Variants in FMN2 observed in about 807,000 individuals in gnomAD.
The protein encoded by FMN2 is formin 2, also known as formin-2.
Under a neutral mutation model 142.3 loss-of-function variants are expected in FMN2, and 51 were observed. That is an observed-to-expected ratio of 0.36 (90% CI 0.29 to 0.45). The LOEUF is 0.45. Among genes scored for constraint, FMN2 ranks in the 20% least tolerant of loss-of-function variants. FMN2 has a pLI of 1.00. For missense variants in FMN2, 1,936 were observed against 2,122.8 expected (o/e 0.91, Z 1.73); for synonymous variants, 882 against 869.8 (o/e 1.01, Z -0.25).
At chr1:240,348,217 T>A (rs1671973806) in intron 13 of FMN2, among the ~76,000 whole-genome samples, 1 of 151,676 alleles carries the variant, frequency 6.6e-6, no homozygotes, top group African/African-American at 2.4e-5. Context: ...TATGTTGTTT[T>A]TTTTACTTTT....
At chr1:240,369,967 G>A (rs546679741) in intron 14 of FMN2, among the ~76,000 whole-genome samples, 4 of 152,234 alleles carry the variant, frequency 2.6e-5, no homozygotes, top group Non-Finnish European at 5.9e-5. Context: ...AAAGCTACTG[G>A]TGAGGTGGAT....
At position 240,364,625 on chromosome 1, in the gene FMN2, G is replaced by A. The variant is rs1056163089; in HGVS notation, c.4858+8717G>A. On this transcript the variant is annotated intron_variant, in intron 14 of 17. Transcript: ENST00000319653. ...AGCCACAATCATTCATTCCACAACC[G>A]TAGATGAGACTTGATCAAAGAGCCT... is the stretch of plus-strand genomic sequence containing the variant. Among the ~76,000 whole-genome samples the A allele has an allele frequency of 4.6e-5, 7 of 152,200 alleles. No homozygotes were observed. In the Middle Eastern group the frequency reaches 0.014, roughly 296 times the overall value.
In FMN2 at chr1:240,207,183, C is replaced by A; in HGVS notation, c.2371C>A (p.Pro791Thr). 1 of 1,614,018 alleles carries A rather than the reference C, an allele frequency of 6.2e-7. No homozygotes were observed. The highest frequency in any genetic ancestry group is 8.5e-7 in the Non-Finnish European group (1 of 1,179,952). Residue 791 changes from proline to threonine, a missense_variant, in exon 5 of 18, where the codon CCA (proline) becomes ACA (threonine). Coordinates refer to ENST00000319653, the MANE Select transcript of FMN2 (RefSeq NM_020066.5). ...FCSEISLIVS[P>T]RRISVQLDSH... ...TTCAGAGATTTCTTTGATTGTGTCT[C>A]CAAGGCGAATATCAGTCCAGCTCGA...
chr1:240,371,504 A>T (rs1672865748), intron 14 of FMN2, among the ~76,000 whole-genome samples: 1 of 152,142 alleles, frequency 6.6e-6, no homozygotes, highest in Non-Finnish European at 1.5e-5. Flanking sequence ...TCAGCCAGAA[A>T]CTGAGTTCAA....
At chr1:240,175,920 T>A (rs192963157) in intron 2 of FMN2, among the ~76,000 whole-genome samples, 1 of 152,330 alleles carries the variant, frequency 6.6e-6, no homozygotes, top group East Asian at 1.9e-4. Flanking sequence ...TGTTGTTGAC[T>A]TGTTAGGAGT....
chr1:240,472,347 A>T, intron 16 of FMN2, 25 bp from the exon 17 acceptor site: 1 of 1,583,746 alleles, frequency 6.3e-7, no homozygotes, highest in Non-Finnish European at 8.6e-7. Context: ...GTTTTGTTTA[A>T]ATACATGTGT....
At chr1:240,159,944 TA>T in intron 2 of FMN2, among the ~76,000 whole-genome samples, 1 of 114,300 alleles carries the variant, frequency 8.7e-6, no homozygotes, top group African/African-American at 2.9e-5. Flanking sequence ...TGTGTATATA[TA>T]TATATCTATA....
Position 240,257,985 on chromosome 1 carries a change from G to C in FMN2, c.4106G>C (p.Gly1369Ala), listed in dbSNP as rs778628059. ...LLSNKRSQAVGILMSSLHLDM... is the reference protein window; with the variant it reads ...LLSNKRSQAVAILMSSLHLDM... ...AGCAACAAAAGATCACAAGCAGTTGGAATACTAATGTCTAGCCTTCATTTA... is the reference window on the plus strand; with the variant it reads ...AGCAACAAAAGATCACAAGCAGTTGCAATACTAATGTCTAGCCTTCATTTA... The change falls in exon 7 of 18, where the codon GGA becomes GCA. Residue 1369 changes from glycine (G) to alanine (A), a missense_variant. Transcript: ENST00000319653. 6.2e-7 allele frequency: 1 copy of C among 1,612,598 alleles called. No homozygotes were observed. Among genetic ancestry groups the C allele is most frequent in the Non-Finnish European group, 8.5e-7 (1 of 1,179,642 alleles).
At position 240,318,543 on chromosome 1, in the gene FMN2, T is replaced by G. The variant is rs544549464; in HGVS notation, c.4216-10533T>G. 4.6e-5 allele frequency among the ~76,000 whole-genome samples: 7 copies of G among 152,242 alleles called. No homozygotes were observed. In the East Asian group the frequency reaches 1.4e-3, roughly 29 times the overall value. ...CCATGCTGTTAATGATACTGTGAGG[T>G]CGTTGGCCAGTCTGCCTTCTTTCCA... On this transcript the variant is annotated intron_variant, in intron 8 of 17. Transcript: ENST00000319653.
chr1:240,416,797 T>G (rs2103134386), intron 15 of FMN2, among the ~76,000 whole-genome samples: 2 of 152,156 alleles, frequency 1.3e-5, no homozygotes, highest in Middle Eastern at 6.8e-3. Context: ...TGGCTTTCTA[T>G]TTCACAAATT....
intron 13 of FMN2, among the ~76,000 whole-genome samples, chr1:240,354,932 A>G (rs1374957803): frequency 2.0e-5 from 3 of 152,054 alleles, no homozygotes; most frequent in African/African-American, 4.8e-5. Flanking sequence ...TCATTGTTGA[A>G]TTACTTCCTT....
At chr1:240,302,608 C>T (rs1670236775) in intron 8 of FMN2, among the ~76,000 whole-genome samples, 1 of 151,896 alleles carries the variant, frequency 6.6e-6, no homozygotes, top group African/African-American at 2.4e-5. Context: ...CTATTATATA[C>T]TATATTAATA....
chr1:240,208,434 C>G lies in FMN2; in HGVS notation c.3622C>G (p.Pro1208Ala). Residue 1208 changes from proline to alanine, a missense_variant, in exon 5 of 18, where the codon CCA (proline) becomes GCA (alanine). Pro to Ala is a conservative substitution (Grantham distance 27). Transcript: ENST00000319653. ...PPPLPGAGIP[P>A]PPPLPGMGIP... ...CCCTCTACCTGGTGCTGGGATTCCCCCACCTCCTCCCTTGCCAGGTATGGG... is the reference window on the plus strand; with the variant it reads ...CCCTCTACCTGGTGCTGGGATTCCCGCACCTCCTCCCTTGCCAGGTATGGG... 1 of 1,602,306 alleles carries G rather than the reference C, an allele frequency of 6.2e-7. No individual in the cohort carries two copies. The highest frequency in any genetic ancestry group is 1.1e-5 in the South Asian group (1 of 90,266).
At chr1:240,333,840 A>G in intron 11 of FMN2, 47 bp from the exon 12 acceptor site, 1 of 1,403,800 alleles carries the variant, frequency 7.1e-7, no homozygotes, top group South Asian at 1.3e-5. Context: ...CTTTATATTT[A>G]ATTAGTTAAA....
chr1:240,378,164 T>G (rs1289908674), intron 14 of FMN2, among the ~76,000 whole-genome samples: 5 of 151,970 alleles, frequency 3.3e-5, no homozygotes, highest in African/African-American at 4.8e-5. Context: ...TATTATTATT[T>G]TTTTAGACAG....
intron 14 of FMN2, among the ~76,000 whole-genome samples, chr1:240,358,590 G>A (rs1440538863): frequency 7.3e-5 from 11 of 150,128 alleles, no homozygotes; most frequent in South Asian, 2.1e-4. Context: ...GGCAGAAGGC[G>A]AAGGGGAAGC....
intron 13 of FMN2, among the ~76,000 whole-genome samples, chr1:240,352,963 C>T (rs1417715880): frequency 6.6e-6 from 1 of 152,156 alleles, no homozygotes; most frequent in East Asian, 1.9e-4. Context: ...ACAAAGGGCT[C>T]ACCCCCTCAG....
intron 13 of FMN2, among the ~76,000 whole-genome samples, chr1:240,335,739 A>G (rs1044571074): frequency 2.0e-5 from 3 of 152,184 alleles, no homozygotes; most frequent in African/African-American, 7.2e-5. Flanking sequence ...TAAATACACA[A>G]CTTCTTACTA....
At chr1:240,374,312 C>T (rs748503703) in intron 14 of FMN2, among the ~76,000 whole-genome samples, 1 of 152,170 alleles carries the variant, frequency 6.6e-6, no homozygotes, top group Non-Finnish European at 1.5e-5. Context: ...GCTGCATTAG[C>T]CCCTACAAAG....
Sources: allele counts gnomAD v4.1 joint callset (sites outside exome capture counted in the v4.1 genomes callset), GRCh38; gene constraint gnomAD v4.1.1; transcripts MANE v1.5; gene names NCBI Gene and HGNC (gene_info 2026-07-23, HGNC 2026-07-21).